Variants in MGAT5 observed in about 807,000 individuals in gnomAD.
The protein encoded by MGAT5 is alpha-1,6-mannosylglycoprotein 6-beta-N-acetylglucosaminyltransferase.
A neutral mutation model predicts 94.3 loss-of-function variants in MGAT5; 30 were observed. That is an observed-to-expected ratio of 0.32 (90% CI 0.24 to 0.43). The LOEUF (loss-of-function observed/expected upper bound fraction) is 0.43. Among genes scored for constraint, MGAT5 ranks in the 20% least tolerant of loss-of-function variants. MGAT5 has a pLI of 1.00. For missense variants in MGAT5, 691 were observed against 905.5 expected (o/e 0.76, Z 3.04); for synonymous variants, 310 against 322.9 (o/e 0.96, Z 0.43).
chr2:134,308,086 T>C (rs577906743), intron 2 of MGAT5, among the ~76,000 whole-genome samples: 3 of 152,294 alleles, frequency 2.0e-5, no homozygotes, highest in Admixed American at 2.0e-4. Flanking sequence ...TGAAGGATAA[T>C]AGTACTTATT....
At chr2:134,254,913 C>T (rs1434144561) in intron 1 of MGAT5, among the ~76,000 whole-genome samples, 5 of 152,200 alleles carry the variant, frequency 3.3e-5, no homozygotes, top group Non-Finnish European at 5.9e-5. Flanking sequence ...CTAGCTCCTT[C>T]TCCCTGAACA....
In MGAT5 at chr2:134,254,367, G is replaced by T. The variant is rs200509590; in HGVS notation, c.-37G>T. 6.5e-5 allele frequency: 105 copies of T among 1,611,930 alleles called. 1 individual carries two copies. In the African/African-American group the frequency reaches 1.1e-3, roughly 18 times the overall value. ...ATGAATTTGTGTCTATCTTCTACGC[G>T]TTAAGAGCCAAGGACAGGTGAAGTT... On this transcript the variant is annotated 5_prime_UTR_variant, in exon 1 of 16. Transcript: ENST00000281923.
intron 2 of MGAT5, among the ~76,000 whole-genome samples, chr2:134,309,819 A>T (rs1288306068): frequency 2.0e-5 from 3 of 152,172 alleles, no homozygotes; most frequent in African/African-American, 4.8e-5. Context: ...ATACTAATTT[A>T]CCAAAAAAAG....
chr2:134,429,384 T>G (rs375011822), intron 14 of MGAT5, among the ~76,000 whole-genome samples: 1 of 152,234 alleles, frequency 6.6e-6, no homozygotes, highest in African/African-American at 2.4e-5. Flanking sequence ...GTGTCTGATA[T>G]GCTGAGCTTT....
intron 1 of MGAT5, among the ~76,000 whole-genome samples, chr2:134,137,454 A>T (rs1197586986): frequency 6.6e-6 from 1 of 152,204 alleles, no homozygotes; most frequent in Non-Finnish European, 1.5e-5. Flanking sequence ...TCTTGATAGG[A>T]AATGACTCTG....
At chr2:134,395,300 C>T (rs1156772533) in intron 10 of MGAT5, among the ~76,000 whole-genome samples, 2 of 152,180 alleles carry the variant, frequency 1.3e-5, no homozygotes, top group African/African-American at 2.4e-5. Flanking sequence ...TGGTGGTTCC[C>T]CAGGGTCCTT....
intron 11 of MGAT5, among the ~76,000 whole-genome samples, chr2:134,407,161 C>A (rs146551849): frequency 1.3e-5 from 2 of 152,180 alleles, no homozygotes; most frequent in Admixed American, 1.3e-4. Flanking sequence ...CCTTCTGATA[C>A]CCCGTTCCTG....
At chr2:134,288,387 G>A (rs1488258019) in intron 2 of MGAT5, among the ~76,000 whole-genome samples, 1 of 152,172 alleles carries the variant, frequency 6.6e-6, no homozygotes, top group Non-Finnish European at 1.5e-5. Context: ...CTGGAACACA[G>A]CTGTGCTCCT....
chr2:134,382,285 C>G (rs1681678978), intron 10 of MGAT5, among the ~76,000 whole-genome samples: 1 of 152,072 alleles, frequency 6.6e-6, no homozygotes, highest in African/African-American at 2.4e-5. Flanking sequence ...TGCCCAGGCC[C>G]AGCTCCAGAT....
intron 1 of MGAT5, among the ~76,000 whole-genome samples, chr2:134,213,219 A>AT (rs1680290874): frequency 6.6e-6 from 1 of 152,188 alleles, no homozygotes; most frequent in Non-Finnish European, 1.5e-5. Context: ...AGGTTGATAA[A>AT]TAGGTGGCCC....
At chr2:134,274,567 G>A (rs1573674180) in intron 2 of MGAT5, among the ~76,000 whole-genome samples, 1 of 150,276 alleles carries the variant, frequency 6.7e-6, no homozygotes, top group Non-Finnish European at 1.5e-5. Context: ...TCTCTACGGG[G>A]TAGTGTATGT....
chr2:134,144,576 C>T (rs1377038963), intron 1 of MGAT5, among the ~76,000 whole-genome samples: 3 of 151,980 alleles, frequency 2.0e-5, no homozygotes, highest in Non-Finnish European at 4.4e-5. Flanking sequence ...GCACTAAGTT[C>T]GAACATTTGG....
chr2:134,364,805 A>G (rs1317892515), intron 10 of MGAT5, among the ~76,000 whole-genome samples: 1 of 152,230 alleles, frequency 6.6e-6, no homozygotes, highest in African/African-American at 2.4e-5. Context: ...AATTCAGGAC[A>G]TCTTCTCCAA....
chr2:134,355,729 G>T (rs1679692893), intron 9 of MGAT5, among the ~76,000 whole-genome samples: 1 of 152,152 alleles, frequency 6.6e-6, no homozygotes, highest in Non-Finnish European at 1.5e-5. Context: ...CCGGTATTTG[G>T]ATAGCTCTAA....
chr2:134,195,527 C>T (rs531440087), intron 1 of MGAT5, among the ~76,000 whole-genome samples: 191 of 152,296 alleles, frequency 1.3e-3, no homozygotes, highest in African/African-American at 4.4e-3. Flanking sequence ...CCATAATACC[C>T]TGTTTTTATC....
At chr2:134,119,999 T>C (rs1251932143), upstream of MGAT5, 2 of 151,880 alleles carry the variant, frequency 1.3e-5, no homozygotes, top group Non-Finnish European at 2.9e-5. Context: ...TGCCAGAAAT[T>C]GAGGACGGAC....
At chr2:134,362,203 G>C in intron 9 of MGAT5, 72 bp from the exon 10 acceptor site, 1 of 1,555,616 alleles carries the variant, frequency 6.4e-7, no homozygotes, top group Non-Finnish European at 8.7e-7. Flanking sequence ...GATGGCCTGT[G>C]TTAAATATGT....
chr2:134,262,143 C>T (rs1324536844), intron 1 of MGAT5, among the ~76,000 whole-genome samples: 1 of 152,178 alleles, frequency 6.6e-6, no homozygotes, highest in Admixed American at 6.5e-5. Flanking sequence ...ACCTCATAGG[C>T]TTGTTGTAAG....
chr2:134,260,275 A>G (rs1234339744), intron 1 of MGAT5, among the ~76,000 whole-genome samples: 2 of 152,180 alleles, frequency 1.3e-5, no homozygotes, highest in African/African-American at 4.8e-5. Context: ...TCTCTATGGG[A>G]GGAAGGAAGT....
Sources: gnomAD v4.1 joint callset for allele counts (sites outside exome capture counted in the v4.1 genomes callset) on GRCh38, gnomAD v4.1.1 for gene constraint, MANE v1.5 for transcripts, NCBI Gene and HGNC (gene_info 2026-07-23, HGNC 2026-07-21) for gene names.